GNAZ: variants seen among roughly 807,000 people sequenced by gnomAD.
GNAZ encodes the protein guanine nucleotide-binding protein G(z) subunit alpha.
A neutral mutation model predicts 25.4 loss-of-function variants in GNAZ; 3 were observed. That is an observed-to-expected ratio of 0.12 (90% confidence interval 0.05 to 0.30). The LOEUF (loss-of-function observed/expected upper bound fraction) is 0.30, where lower values mean the gene tolerates loss of function less well. GNAZ is among the 10% of genes least tolerant of loss of function. The pLI is 1.00. For missense variants in GNAZ, 241 were observed against 501.8 expected (o/e 0.48, Z 4.97); for synonymous variants, 211 against 205.7 (o/e 1.03, Z -0.22).
At chr22:23,102,265 G>A (rs562655707) in intron 2 of GNAZ, among the ~76,000 whole-genome samples, 1 of 152,334 alleles carries the variant, frequency 6.6e-6, no homozygotes, top group East Asian at 1.9e-4. Context: ...GGCTTTATGC[G>A]TGACCCCATG....
At chr22:23,088,953 CTG>C (rs2068888265) in intron 1 of GNAZ, among the ~76,000 whole-genome samples, 1 of 152,224 alleles carries the variant, frequency 6.6e-6, no homozygotes, top group East Asian at 1.9e-4. Context: ...CAGTCACAGT[CTG>C]GGTACAGTTC....
intron 1 of GNAZ, among the ~76,000 whole-genome samples, chr22:23,081,577 T>G (rs2068679022): frequency 6.6e-6 from 1 of 152,096 alleles, no homozygotes. Flanking sequence ...ATCCCAGCAC[T>G]TTGGGAAGGA....
At chr22:23,110,392 G>A (rs1323902803) in intron 2 of GNAZ, among the ~76,000 whole-genome samples, 1 of 152,210 alleles carries the variant, frequency 6.6e-6, no homozygotes, top group Non-Finnish European at 1.5e-5. Flanking sequence ...AGCGAGCCAC[G>A]TTCTGGGGCC....
chr22:23,073,397 G>A (rs2068425562), intron 1 of GNAZ, among the ~76,000 whole-genome samples: 1 of 152,224 alleles, frequency 6.6e-6, no homozygotes, highest in South Asian at 2.1e-4. Flanking sequence ...GAATGAAGAG[G>A]GACGTGGGAG....
chr22:23,082,767 T>G (rs2068718623), intron 1 of GNAZ, among the ~76,000 whole-genome samples: 1 of 152,018 alleles, frequency 6.6e-6, no homozygotes, highest in Non-Finnish European at 1.5e-5. Context: ...AGGGACAACC[T>G]GCAGGGAAGT....
At chr22:23,077,153 A>G (rs2068528134) in intron 1 of GNAZ, among the ~76,000 whole-genome samples, 1 of 152,094 alleles carries the variant, frequency 6.6e-6, no homozygotes. Flanking sequence ...TGACTGGTGA[A>G]CCTCACCACT....
chr22:23,095,519 G>T lies in GNAZ; in HGVS notation c.-177G>T. 2 of 667,764 alleles carry T rather than the reference G, an allele frequency of 3.0e-6. No homozygotes were observed. The highest frequency in any genetic ancestry group is 2.5e-6 in the Non-Finnish European group (1 of 398,054). 41.4% of individuals were successfully genotyped at this position (667,764 alleles called of 1,614,324 possible). A position where few individuals can be genotyped will look rare whatever the true frequency, so the allele number is the denominator to read the frequency against. The stretch of plus-strand genomic sequence containing the variant: ...CGCCCGCTGCACAGAGCGCCATGCC[G>T]GCTGGAGAAGAGGCGCTGGGGCAGG... On this transcript the variant is annotated 5_prime_UTR_variant, in exon 2 of 3. Coordinates refer to ENST00000615612, the MANE Select transcript of GNAZ (RefSeq NM_002073.4).
chr22:23,099,503 G>A lies in GNAZ; in HGVS notation c.723+3085G>A, dbSNP rs184723284. ...AGCAACACAAGGGGGTTTTTCTGGC[G>A]CACCTGTCCCCTGAATGATCCTGTG... is the stretch of plus-strand genomic sequence containing the variant. On this transcript the variant is annotated intron_variant, in intron 2 of 2. Transcript: ENST00000615612. Among the ~76,000 whole-genome samples the A allele has an allele frequency of 2.7e-3, 406 of 152,350 alleles. 7 individuals are homozygous for A. The highest frequency in any genetic ancestry group is 0.024 in the Admixed American group (365 of 15,302).
Position 23,124,240 on chromosome 22 carries a change from C to T in GNAZ, c.*809C>T, listed in dbSNP as rs1215696251. On this transcript the variant is annotated 3_prime_UTR_variant, in exon 3 of 3. Transcript: ENST00000615612. ...TTTTTTTTTTTTTTTGGCCAAATCT[C>T]GTGGTGTTTCGCAGAAAAAAATCCA... 5 of 147,522 alleles carry T rather than the reference C, an allele frequency of 3.4e-5. No individual in the cohort carries two copies. The highest frequency in any genetic ancestry group is 2.1e-4 in the East Asian group (1 of 4,762). 9.1% of individuals were successfully genotyped at this position (147,522 alleles called of 1,614,324 possible). A position where few individuals can be genotyped will look rare whatever the true frequency, so the allele number is the denominator to read the frequency against.
chr22:23,081,232 T>C (rs535859295), intron 1 of GNAZ, among the ~76,000 whole-genome samples: 7 of 152,130 alleles, frequency 4.6e-5, no homozygotes, highest in Non-Finnish European at 1.0e-4. Flanking sequence ...CTCACTTGTG[T>C]TGGAAAAAGT....
chr22:23,095,624 C>T lies in GNAZ; in HGVS notation c.-72C>T, dbSNP rs1363091687. The stretch of plus-strand genomic sequence containing the variant: ...AGCTGGGCTCTTGTCTGCCTGGTCT[C>T]AGTGTCCCCTGTGGCAAGAGGGAGA... On this transcript the variant is annotated 5_prime_UTR_variant, in exon 2 of 3. Transcript: ENST00000615612. 3 of 1,510,510 alleles carry T rather than the reference C, an allele frequency of 2.0e-6. No individual in the cohort carries two copies. Among genetic ancestry groups the T allele is most frequent in the African/African-American group, 1.4e-5 (1 of 71,922 alleles). 93.6% of individuals were successfully genotyped at this position (1,510,510 alleles called of 1,614,324 possible).
intron 1 of GNAZ, among the ~76,000 whole-genome samples, chr22:23,081,526 A>G (rs901945307): frequency 4.0e-5 from 6 of 151,862 alleles, no homozygotes; most frequent in Admixed American, 6.5e-5. Context: ...CAATCAGGTT[A>G]TAGGCCAATA....
chr22:23,078,992 C>T (rs1168900876), intron 1 of GNAZ, among the ~76,000 whole-genome samples: 1 of 152,186 alleles, frequency 6.6e-6, no homozygotes, highest in East Asian at 1.9e-4. Flanking sequence ...CAACTATCCC[C>T]TCCGTGAGCC....
intron 2 of GNAZ, among the ~76,000 whole-genome samples, chr22:23,099,068 G>A (rs148677141): frequency 6.6e-5 from 10 of 152,342 alleles, no homozygotes; most frequent in East Asian, 1.9e-4. Flanking sequence ...CCCTCCTTCC[G>A]TGCTCAGCTT....
intron 2 of GNAZ, among the ~76,000 whole-genome samples, chr22:23,120,669 C>A (rs2069992588): frequency 6.6e-6 from 1 of 152,044 alleles, no homozygotes; most frequent in Non-Finnish European, 1.5e-5. Context: ...GTCCCCTCAC[C>A]CTTGAACCCC....
At chr22:23,118,883 AAGG>A (rs1459018825) in intron 2 of GNAZ, among the ~76,000 whole-genome samples, 2 of 152,228 alleles carry the variant, frequency 1.3e-5, no homozygotes, top group African/African-American at 4.8e-5. Flanking sequence ...CCAGGCCAGG[AAGG>A]AGAACAGAGC....
intron 1 of GNAZ, among the ~76,000 whole-genome samples, chr22:23,084,163 A>T (rs983428999): frequency 1.8e-4 from 28 of 152,184 alleles, no homozygotes; most frequent in African/African-American, 6.5e-4. Flanking sequence ...TCCCCGGAAG[A>T]TGTGGCTTTT....
intron 2 of GNAZ, among the ~76,000 whole-genome samples, chr22:23,115,270 A>G (rs544054511): frequency 4.6e-5 from 7 of 152,160 alleles, no homozygotes; most frequent in Non-Finnish European, 8.8e-5. Flanking sequence ...TGGCTGAGGT[A>G]TGTGACAAGG....
chr22:23,087,155 G>A (rs2068842712), intron 1 of GNAZ, among the ~76,000 whole-genome samples: 1 of 152,132 alleles, frequency 6.6e-6, no homozygotes, highest in Non-Finnish European at 1.5e-5. Context: ...CCAGAGTTGG[G>A]GGCAGCACCC....
Sources: allele counts gnomAD v4.1 joint callset (sites outside exome capture counted in the v4.1 genomes callset), GRCh38; gene constraint gnomAD v4.1.1; transcripts MANE v1.5; gene names NCBI Gene and HGNC (gene_info 2026-07-23, HGNC 2026-07-21).